CPLX2: variants seen among roughly 807,000 people sequenced by gnomAD.
The protein encoded by CPLX2 is complexin-2.
A neutral mutation model predicts 16.3 loss-of-function variants in CPLX2; 5 were observed. The ratio of observed to expected loss-of-function variants is 0.31; its 90% CI spans 0.16 to 0.64. CPLX2 has a LOEUF of 0.64. Among genes scored for constraint, CPLX2 ranks in the 30% least tolerant of loss-of-function variants. The pLI is 0.79. For missense variants in CPLX2, 144 were observed against 181.4 expected (o/e 0.79, Z 1.18); for synonymous variants, 89 against 73.2 (o/e 1.22, Z -1.10).
At chr5:175,828,099 GA>G (rs1758653013) in intron 2 of CPLX2, among the ~76,000 whole-genome samples, 2 of 152,180 alleles carry the variant, frequency 1.3e-5, no homozygotes, top group African/African-American at 4.8e-5. Context: ...ATCATGAATT[GA>G]AAAGACCTTT....
chr5:175,850,420 C>T (rs1238963919), intron 2 of CPLX2, among the ~76,000 whole-genome samples: 2 of 152,152 alleles, frequency 1.3e-5, no homozygotes, highest in African/African-American at 2.4e-5. Flanking sequence ...AGGTTCCTTT[C>T]GGCTGGCCAG....
At chr5:175,869,536 C>A (rs1343613340), upstream of CPLX2, among the ~76,000 whole-genome samples, 1 of 152,216 alleles carries the variant, frequency 6.6e-6, no homozygotes, top group Non-Finnish European at 1.5e-5. Context: ...AGCAATAGTA[C>A]TACTCTTCCG....
At chr5:175,860,577 G>GGGAT (rs1759351734) in intron 2 of CPLX2, among the ~76,000 whole-genome samples, 1 of 102,066 alleles carries the variant, frequency 9.8e-6, no homozygotes, top group South Asian at 3.4e-4. Flanking sequence ...AAGGGAGGGA[G>GGGAT]GGAGGGAGGG....
rs1372583443 is a variant in CPLX2 at position 175,881,469 on chromosome 5, AGTGT to A, written c.*1429_*1432del. 1.3e-5 allele frequency: 2 copies of A among 153,390 alleles called. No individual in the cohort carries two copies. Among genetic ancestry groups the A allele is most frequent in the Non-Finnish European group, 2.9e-5 (2 of 68,174 alleles). 9.5% of individuals were successfully genotyped at this position (153,390 alleles called of 1,614,324 possible). A position where few individuals can be genotyped will look rare whatever the true frequency, so the allele number is the denominator to read the frequency against. ...TTGTGTAAGAATGTGTTTTCAAAAC[AGTGT>A]GTGTATTGGGAGTGATGGGTATGTG... On this transcript the variant is annotated 3_prime_UTR_variant, in exon 4 of 4. Coordinates refer to ENST00000393745, the MANE Select transcript of CPLX2 (RefSeq NM_001008220.2).
intron 2 of CPLX2, among the ~76,000 whole-genome samples, chr5:175,832,084 T>G (rs1175359194): frequency 2.0e-5 from 3 of 152,204 alleles, no homozygotes; most frequent in Non-Finnish European, 2.9e-5. Flanking sequence ...ATTCATTCCT[T>G]TAGCAAATAT....
In CPLX2 at chr5:175,872,513, G is replaced by T. The variant is rs927769625; in HGVS notation, c.-89+808G>T. 1.3e-5 allele frequency among the ~76,000 whole-genome samples: 2 copies of T among 152,154 alleles called. No individual in the cohort carries two copies. The highest frequency in any genetic ancestry group is 2.9e-5 in the Non-Finnish European group (2 of 68,006). ...CCGGGAGATCCAGGACAGAGCTGCT[G>T]GGGGTGTGGGTCTCCGCGGGGGTCC... is the stretch of plus-strand genomic sequence containing the variant. On this transcript the variant is annotated intron_variant, in intron 1 of 3. Coordinates refer to ENST00000393745, the MANE Select transcript of CPLX2 (RefSeq NM_001008220.2). This position sits in a 1 kb window ranked among gnomAD's most constrained non-coding sequence, Gnocchi z 5.0.
chr5:175,812,871 T>G (rs1367527192), intron 2 of CPLX2, among the ~76,000 whole-genome samples: 2 of 152,262 alleles, frequency 1.3e-5, no homozygotes, highest in Admixed American at 1.3e-4. Flanking sequence ...TCCTAAATTT[T>G]TACTTTTAAA....
chr5:175,798,214 G>A (rs1294203669), intron 1 of CPLX2, among the ~76,000 whole-genome samples: 1 of 152,200 alleles, frequency 6.6e-6, no homozygotes, highest in African/African-American at 2.4e-5. Context: ...TATTAAAGAG[G>A]AATGAGAAGA....
Position 175,879,185 on chromosome 5 carries a change from T to G in CPLX2, c.207+102T>G, listed in dbSNP as rs751959089. 1.3e-4 allele frequency: 155 copies of G among 1,234,048 alleles called. 1 individual carries two copies. Among genetic ancestry groups the G allele is most frequent in the Non-Finnish European group, 1.5e-4 (138 of 900,070 alleles). The allele number at this position is 1,234,048 out of a possible 1,614,324, so 76.4% of individuals were successfully genotyped here. A position where few individuals can be genotyped will look rare whatever the true frequency, so the allele number is the denominator to read the frequency against. ...GCTCCCCTGGATCCCAGCTCTCACCTTCGCCCTAGTTCTGAGCCTCACTCT... is the reference window on the plus strand; with the variant it reads ...GCTCCCCTGGATCCCAGCTCTCACCGTCGCCCTAGTTCTGAGCCTCACTCT... On this transcript the variant is annotated intron_variant, in intron 3 of 3. Transcript: ENST00000393745.
At chr5:175,825,479 G>T (rs1758596018) in intron 2 of CPLX2, among the ~76,000 whole-genome samples, 1 of 152,102 alleles carries the variant, frequency 6.6e-6, no homozygotes, top group Non-Finnish European at 1.5e-5. Context: ...TCCTTTTCTA[G>T]TGAAAAACTT....
rs1262081731 is a variant in CPLX2 at position 175,851,037 on chromosome 5, G to A, written c.-88-27615G>A. ...AGCAGACCAGGGATTTGAGCTTAAGGAACCACAGAGATGGTAGAGCCGCTG... is the reference window on the plus strand; with the variant it reads ...AGCAGACCAGGGATTTGAGCTTAAGAAACCACAGAGATGGTAGAGCCGCTG... On this transcript the variant is annotated intron_variant, in intron 2 of 4. Transcript: ENST00000359546. 3.9e-5 allele frequency among the ~76,000 whole-genome samples: 6 copies of A among 151,932 alleles called. No homozygotes were observed. The East Asian group carries it at 1.2e-3, about 30-fold the overall frequency.
intron 1 of CPLX2, among the ~76,000 whole-genome samples, chr5:175,798,226 C>T (rs2245076): frequency 0.84 from 128,554 of 152,252 alleles, 54,680 homozygotes; most frequent in East Asian, 0.99. Context: ...ATGAGAAGAT[C>T]AATAATACCC....
intron 2 of CPLX2, among the ~76,000 whole-genome samples, chr5:175,865,853 A>T (rs1224806195): frequency 2.0e-5 from 3 of 152,196 alleles, no homozygotes; most frequent in Non-Finnish European, 4.4e-5. Context: ...GAAGCACAAG[A>T]ATCTGCAATT....
At chr5:175,859,980 G>A (rs1171755806) in intron 2 of CPLX2, among the ~76,000 whole-genome samples, 1 of 152,214 alleles carries the variant, frequency 6.6e-6, no homozygotes, top group East Asian at 1.9e-4. Context: ...GAAGTAAAAA[G>A]GCAGCATTTA....
chr5:175,814,133 T>A (rs1346171613), intron 2 of CPLX2, among the ~76,000 whole-genome samples: 2 of 152,230 alleles, frequency 1.3e-5, no homozygotes, highest in Admixed American at 1.3e-4. Context: ...AAGAGTCACC[T>A]GGCAAAGGTG....
intron 1 of CPLX2, among the ~76,000 whole-genome samples, chr5:175,808,433 G>C (rs1758253173): frequency 6.6e-6 from 1 of 151,936 alleles, no homozygotes; most frequent in African/African-American, 2.4e-5. Flanking sequence ...CTAGAATCAA[G>C]CAGAGGAAGG....
chr5:175,871,485 G>GAGAGAGAGAGAGAT (rs1561790514), upstream of CPLX2: 5 of 149,514 alleles, frequency 3.3e-5, no homozygotes, highest in Admixed American at 6.6e-5. Context: ...GAGAGAGAGA[G>GAGAGAGAGAGAGAT]ATTTGAATTT....
chr5:175,805,706 G>A (rs1758187372), intron 1 of CPLX2: 1 of 152,488 alleles, frequency 6.6e-6, no homozygotes, highest in Non-Finnish European at 1.5e-5. Context: ...GGGGAGGGCT[G>A]CGAGGTTGCC....
At chr5:175,875,918 A>T (rs1301117875) in intron 1 of CPLX2, among the ~76,000 whole-genome samples, 1 of 151,952 alleles carries the variant, frequency 6.6e-6, no homozygotes, top group Non-Finnish European at 1.5e-5. Flanking sequence ...GAGTAGAGGT[A>T]CTTTGCAAAC....
Sources: allele counts gnomAD v4.1 joint callset (sites outside exome capture counted in the v4.1 genomes callset), GRCh38; gene constraint gnomAD v4.1.1; non-coding constraint Gnocchi (gnomAD v3.1); transcripts MANE v1.5; gene names NCBI Gene and HGNC (gene_info 2026-07-23, HGNC 2026-07-21).